PARD3B: variants seen among roughly 807,000 people sequenced by gnomAD.
PARD3B encodes par-3 family cell polarity regulator beta.
Under a neutral mutation model 130.2 loss-of-function variants are expected in PARD3B, and 103 were observed. The ratio of observed to expected loss-of-function variants is 0.79; its 90% CI spans 0.67 to 0.93. The LOEUF is 0.93. PARD3B is among the 40% of genes least tolerant of loss of function. PARD3B has a pLI of 0.00. For missense variants in PARD3B, 1,609 were observed against 1,499.2 expected (o/e 1.07, Z -1.21); for synonymous variants, 583 against 553.2 (o/e 1.05, Z -0.76).
rs111915783 is a variant in PARD3B, at chr2:204,794,754, A to G, written c.222+108472A>G. On this transcript the variant is annotated intron_variant, in intron 2 of 22. Transcript: ENST00000406610. The stretch of plus-strand genomic sequence containing the variant: ...AATGACTGGCTCACAAAATACATGA[A>G]AGTTTAAGTTTCCTCTCCTGAGTTG... Among the ~76,000 whole-genome samples the G allele has an allele frequency of 2.2e-4, 33 of 152,354 alleles. 2 individuals are homozygous for G. The highest frequency in any genetic ancestry group is 7.2e-4 in the African/African-American group (30 of 41,596).
At chr2:204,866,840 G>A (rs898721398) in intron 2 of PARD3B, among the ~76,000 whole-genome samples, 13 of 151,876 alleles carry the variant, frequency 8.6e-5, no homozygotes, top group South Asian at 4.2e-4. Context: ...AGGCTGAGGC[G>A]GGTGTATCAC....
intron 3 of PARD3B, among the ~76,000 whole-genome samples, chr2:204,966,049 T>C (rs1369391403): frequency 1.3e-5 from 2 of 152,164 alleles, no homozygotes; most frequent in African/African-American, 4.8e-5. Flanking sequence ...TTGAGACTAC[T>C]TAGAGCACCT....
intron 4 of PARD3B, among the ~76,000 whole-genome samples, chr2:205,063,228 A>T (rs905916870): frequency 2.0e-5 from 3 of 152,076 alleles, no homozygotes; most frequent in African/African-American, 7.2e-5. Flanking sequence ...GAAGTATATA[A>T]TGTATTAACC....
At chr2:205,553,220 G>A in intron 21 of PARD3B, 104 bp from the exon 22 acceptor site, 1 of 1,022,400 alleles carries the variant, frequency 9.8e-7, no homozygotes, top group Non-Finnish European at 1.4e-6. Context: ...TTGATTTTTG[G>A]CAGGCAGTAA....
intron 21 of PARD3B, among the ~76,000 whole-genome samples, chr2:205,503,537 TG>T (rs2050237204): frequency 6.6e-6 from 1 of 152,200 alleles, no homozygotes; most frequent in Admixed American, 6.5e-5. Flanking sequence ...TCTATATCTC[TG>T]TTTTGGTACC....
At chr2:204,729,180 T>C (rs150084900) in intron 2 of PARD3B, among the ~76,000 whole-genome samples, 62 of 152,346 alleles carry the variant, frequency 4.1e-4, no homozygotes, top group African/African-American at 1.5e-3. Flanking sequence ...CACATAGTCA[T>C]GCAACTGTGT....
intron 1 of PARD3B, among the ~76,000 whole-genome samples, chr2:204,608,762 G>A (rs1559182591): frequency 1.3e-5 from 2 of 152,140 alleles, no homozygotes; most frequent in African/African-American, 2.4e-5. Context: ...ATGCATACAA[G>A]ACTTCTATGC....
intron 19 of PARD3B, among the ~76,000 whole-genome samples, chr2:205,428,363 GA>G (rs1341152288): frequency 6.6e-6 from 1 of 152,078 alleles, no homozygotes; most frequent in African/African-American, 2.4e-5. Context: ...CTGGGCAACA[GA>G]ACCAGACTCT....
chr2:204,673,692 C>T lies in PARD3B; in HGVS notation c.121-12489C>T, dbSNP rs1347624742. On this transcript the variant is annotated intron_variant, in intron 1 of 22. Coordinates refer to ENST00000406610, the MANE Select transcript of PARD3B (RefSeq NM_001302769.2). The surrounding 1 kb of genome is among the most constrained non-coding windows in gnomAD (Gnocchi z 4.7). Reference sequence around the variant, plus strand: ...TAAAAATACAAACTGCCTGTACTCCCCATCCTCCTCATCCTACTGTATTTT... The same window carrying T: ...TAAAAATACAAACTGCCTGTACTCCTCATCCTCCTCATCCTACTGTATTTT... Among the ~76,000 whole-genome samples, 1 of 152,140 alleles carries T rather than the reference C, an allele frequency of 6.6e-6. No homozygotes were observed. The highest frequency in any genetic ancestry group is 1.5e-5 in the Non-Finnish European group (1 of 68,022).
chr2:204,950,845 T>G (rs922615334), intron 2 of PARD3B, among the ~76,000 whole-genome samples: 2 of 152,284 alleles, frequency 1.3e-5, no homozygotes, highest in East Asian at 3.9e-4. Context: ...CTTTGTTTGT[T>G]TTTTAAACCA....
At chr2:205,141,564 A>G (rs536085976) in intron 10 of PARD3B, among the ~76,000 whole-genome samples, 1 of 152,256 alleles carries the variant, frequency 6.6e-6, no homozygotes, top group East Asian at 1.9e-4. Flanking sequence ...GGATATGGTG[A>G]TCAAATGAGC....
intron 2 of PARD3B, among the ~76,000 whole-genome samples, chr2:204,840,185 G>A (rs960072686): frequency 9.2e-5 from 14 of 152,086 alleles, no homozygotes; most frequent in African/African-American, 3.4e-4. Flanking sequence ...AAATATAGCT[G>A]AATATAAATT....
intron 2 of PARD3B, among the ~76,000 whole-genome samples, chr2:204,858,624 T>G (rs1277689232): frequency 1.3e-5 from 2 of 151,220 alleles, no homozygotes; most frequent in Non-Finnish European, 3.0e-5. Context: ...AATGATAGTG[T>G]ATTGTATTTA....
intron 16 of PARD3B, among the ~76,000 whole-genome samples, chr2:205,255,318 C>G (rs534912597): frequency 6.6e-6 from 1 of 152,108 alleles, no homozygotes; most frequent in Non-Finnish European, 1.5e-5. Flanking sequence ...GGGAGAAAAA[C>G]AGTTTTTTTC....
intron 3 of PARD3B, among the ~76,000 whole-genome samples, chr2:205,037,651 G>A: frequency 6.9e-6 from 1 of 144,442 alleles, no homozygotes; most frequent in Non-Finnish European, 1.5e-5. Flanking sequence ...TGTATATAGT[G>A]GACTATATAT....
chr2:205,192,028 C>T (rs1213084467), intron 14 of PARD3B, among the ~76,000 whole-genome samples: 1 of 152,156 alleles, frequency 6.6e-6, no homozygotes, highest in African/African-American at 2.4e-5. Context: ...TAAACAGGTA[C>T]TTCCTTAATT....
intron 18 of PARD3B, among the ~76,000 whole-genome samples, chr2:205,370,727 G>C (rs144921180): frequency 6.6e-6 from 1 of 152,222 alleles, no homozygotes; most frequent in Non-Finnish European, 1.5e-5. Context: ...ATTTCTGAAA[G>C]TATCGACAGA....
At position 205,522,165 on chromosome 2, in the gene PARD3B, C is replaced by CTTAA. The variant is rs148568373; in HGVS notation, c.3180+22138_3180+22141dup. On this transcript the variant is annotated intron_variant, in intron 21 of 22. Transcript: ENST00000406610. ...TTCATTATTTTTACATTTATTTTTA[C>CTTAA]TTAATTATTGTTTCCTTAAAAACAA... Among the ~76,000 whole-genome samples, 866 of 150,070 alleles carry CTTAA rather than the reference C, an allele frequency of 5.8e-3. 5 individuals are homozygous for CTTAA. The highest frequency in any genetic ancestry group is 0.02 in the African/African-American group (815 of 40,974).
rs76449039 is a variant in PARD3B, at chr2:204,938,834, A to G, written c.223-26318A>G. Among the ~76,000 whole-genome samples, 807 of 152,244 alleles carry G rather than the reference A, an allele frequency of 5.3e-3. 3 individuals are homozygous for G. Among genetic ancestry groups the G allele is most frequent in the Non-Finnish European group, 9.2e-3 (627 of 68,014 alleles). ...AGATGATGTCTGCTGACCAGTGTAT[A>G]CCCGTAGCCCAGTGTAGTGCCTTGG... On this transcript the variant is annotated intron_variant, in intron 2 of 22. Transcript: ENST00000406610.
Sources: allele counts gnomAD v4.1 joint callset (sites outside exome capture counted in the v4.1 genomes callset), GRCh38; gene constraint gnomAD v4.1.1; non-coding constraint Gnocchi (gnomAD v3.1); transcripts MANE v1.5; gene names NCBI Gene and HGNC (gene_info 2026-07-23, HGNC 2026-07-21).